The following NCAM2 variants were observed in gnomAD, a reference collection of about 807,000 sequenced individuals.
NCAM2 encodes neural cell adhesion molecule 2.
In NCAM2, 30 loss-of-function variants were observed where a neutral mutation model predicts 98.1. The ratio of observed to expected loss-of-function variants is 0.31; its 90% confidence interval spans 0.23 to 0.41. NCAM2 has a LOEUF of 0.41. Among genes scored for constraint, NCAM2 ranks in the 10% least tolerant of loss-of-function variants. The pLI, the probability that NCAM2 is intolerant of heterozygous loss-of-function variation, is 1.00. For synonymous variants in NCAM2, 368 were observed against 342.4 expected, an observed-to-expected ratio of 1.07 and a Z score of -0.83; for missense variants, 867 against 1,005.8, an observed-to-expected ratio of 0.86 and a Z score of 1.87.
intron 5 of NCAM2, among the ~76,000 whole-genome samples, chr21:21,313,252 C>G (rs1413326050): frequency 6.6e-6 from 1 of 151,576 alleles, no homozygotes; most frequent in African/African-American, 2.4e-5. Flanking sequence ...TTTCTTCCTC[C>G]TGCTTAATTT....
At chr21:21,464,771 TA>T (rs1983458119) in intron 12 of NCAM2, among the ~76,000 whole-genome samples, 1 of 152,160 alleles carries the variant, frequency 6.6e-6, no homozygotes, top group Admixed American at 6.6e-5. Flanking sequence ...TCAGTGTAAC[TA>T]TATACTTTTC....
chr21:21,097,164 G>A (rs964636654), intron 1 of NCAM2, among the ~76,000 whole-genome samples: 3 of 151,688 alleles, frequency 2.0e-5, no homozygotes, highest in African/African-American at 7.3e-5. Flanking sequence ...TTTCCCTTCT[G>A]CACGTGAATT....
chr21:21,389,765 G>A (rs113018451), intron 9 of NCAM2, among the ~76,000 whole-genome samples: 1 of 152,212 alleles, frequency 6.6e-6, no homozygotes, highest in African/African-American at 2.4e-5. Flanking sequence ...CTCTTTTATG[G>A]CTGAATAACA....
At chr21:21,146,332 A>G (rs2067273245) in intron 1 of NCAM2, among the ~76,000 whole-genome samples, 1 of 151,518 alleles carries the variant, frequency 6.6e-6, no homozygotes, top group Non-Finnish European at 1.5e-5. Context: ...ATAAAATGTT[A>G]TAGAGGGAAA....
intron 11 of NCAM2, among the ~76,000 whole-genome samples, chr21:21,431,123 T>TGTGTGTGTGTGTGTGTGTG (rs2077332482): frequency 9.2e-5 from 13 of 141,172 alleles, no homozygotes; most frequent in Non-Finnish European, 1.8e-4. Context: ...TAATATATGT[T>TGTGTGTGTGTGTGTGTGTG]TGTGTGTGTG....
intron 6 of NCAM2, among the ~76,000 whole-genome samples, chr21:21,328,345 T>C (rs2074575523): frequency 6.6e-6 from 1 of 152,228 alleles, no homozygotes; most frequent in South Asian, 2.1e-4. Flanking sequence ...TTAATCATTA[T>C]TTTAGAGTGT....
At chr21:21,534,495 T>G in intron 16 of NCAM2, 42 bp from the exon 17 acceptor site, 1 of 1,442,280 alleles carries the variant, frequency 6.9e-7, no homozygotes, top group Non-Finnish European at 9.2e-7. Flanking sequence ...ATGCATCCAT[T>G]TTTAAATTAC....
At chr21:21,065,787 C>T (rs1358339375) in intron 1 of NCAM2, among the ~76,000 whole-genome samples, 1 of 152,022 alleles carries the variant, frequency 6.6e-6, no homozygotes, top group Non-Finnish European at 1.5e-5. Flanking sequence ...TTATCCTTAG[C>T]CATTTACAAA....
chr21:21,466,161 G>A (rs1395787839), intron 12 of NCAM2, among the ~76,000 whole-genome samples: 1 of 151,992 alleles, frequency 6.6e-6, no homozygotes, highest in East Asian at 1.9e-4. Context: ...TGTTTGACAT[G>A]ACTAAATCAC....
chr21:21,284,091 T>A lies in NCAM2; in HGVS notation c.131-103T>A, dbSNP rs2147514962. On this transcript the variant is annotated intron_variant, in intron 2 of 17. Coordinates refer to ENST00000400546, the MANE Select transcript of NCAM2 (RefSeq NM_004540.5). The stretch of plus-strand genomic sequence containing the variant: ...TCAGATTTCCAGTCTGTTACATAAT[T>A]TTTTTTCTAAATGGTTAATATTATT... 6 of 699,646 alleles carry A rather than the reference T, an allele frequency of 8.6e-6. No homozygotes were observed. The East Asian group carries it at 1.9e-4, about 22-fold the overall frequency. 43.3% of individuals were successfully genotyped at this position (699,646 alleles called of 1,614,324 possible).
chr21:20,999,757 G>T (rs533116162), intron 1 of NCAM2, among the ~76,000 whole-genome samples: 51 of 152,218 alleles, frequency 3.4e-4, no homozygotes, highest in African/African-American at 1.2e-3. Flanking sequence ...TGCTCGTTTG[G>T]TCCAGCAGGG....
chr21:21,473,827 G>A (rs1984797195), intron 14 of NCAM2, among the ~76,000 whole-genome samples: 1 of 149,124 alleles, frequency 6.7e-6, no homozygotes, highest in South Asian at 2.1e-4. Flanking sequence ...ATACTTTCCT[G>A]AATGCTGATA....
chr21:21,109,884 A>T (rs757970723), intron 1 of NCAM2, among the ~76,000 whole-genome samples: 7 of 152,332 alleles, frequency 4.6e-5, no homozygotes, highest in Non-Finnish European at 1.0e-4. Context: ...CATATAATGT[A>T]AAGGAGGCAC....
intron 1 of NCAM2, among the ~76,000 whole-genome samples, chr21:21,049,489 A>G (rs548116493): frequency 0.028 from 4,285 of 152,160 alleles, 203 homozygotes; most frequent in African/African-American, 0.098. Context: ...AGAGCATGAA[A>G]AATTAGAGTC....
chr21:21,078,382 C>T (rs2065724225), intron 1 of NCAM2, among the ~76,000 whole-genome samples: 1 of 152,170 alleles, frequency 6.6e-6, no homozygotes, highest in African/African-American at 2.4e-5. Context: ...ACAAACACCT[C>T]TTTATTTATT....
intron 1 of NCAM2, among the ~76,000 whole-genome samples, chr21:21,106,252 G>A (rs1208178729): frequency 3.5e-5 from 5 of 141,414 alleles, no homozygotes; most frequent in South Asian, 2.3e-4. Context: ...AGGCTGCAGC[G>A]AGCTGTGTTT....
At chr21:21,328,381 A>G (rs1472681773) in intron 6 of NCAM2, among the ~76,000 whole-genome samples, 2 of 152,162 alleles carry the variant, frequency 1.3e-5, no homozygotes, top group East Asian at 3.8e-4. Flanking sequence ...AAAAGAGAGA[A>G]GTTAACTGTA....
At chr21:21,056,575 TAGTG>T (rs967999695) in intron 1 of NCAM2, among the ~76,000 whole-genome samples, 5 of 87,194 alleles carry the variant, frequency 5.7e-5, no homozygotes, top group Admixed American at 2.4e-4. Flanking sequence ...GAGAGAGAGA[TAGTG>T]AGAGAGAGAG....
intron 5 of NCAM2, among the ~76,000 whole-genome samples, chr21:21,312,147 T>G (rs1327968562): frequency 6.6e-6 from 1 of 152,102 alleles, no homozygotes; most frequent in Non-Finnish European, 1.5e-5. Context: ...TTTTGGCAGG[T>G]GTTTTTCATC....
Sources: gnomAD v4.1 joint callset for allele counts (sites outside exome capture counted in the v4.1 genomes callset) on GRCh38, gnomAD v4.1.1 for gene constraint, MANE v1.5 for transcripts, NCBI Gene and HGNC (gene_info 2026-07-23, HGNC 2026-07-21) for gene names.